CTNNA2: variants seen among roughly 807,000 people sequenced by gnomAD.
CTNNA2 encodes the protein catenin alpha 2.
Under a neutral mutation model 101.0 loss-of-function variants are expected in CTNNA2, and 42 were observed. The observed-to-expected ratio is 0.42, with a 90% CI of 0.32 to 0.54. The LOEUF (loss-of-function observed/expected upper bound fraction) is 0.54. Ranked by LOEUF, CTNNA2 falls within the 20% of genes least tolerant of loss-of-function variation. CTNNA2 has a pLI of 0.14. For synonymous variants in CTNNA2, 450 were observed against 456.4 expected (o/e 0.99, Z 0.18); for missense variants, 871 against 1,223.1 (o/e 0.71, Z 4.29).
intron 9 of CTNNA2, among the ~76,000 whole-genome samples, chr2:80,494,985 A>T (rs1687337910): frequency 6.6e-6 from 1 of 152,152 alleles, no homozygotes; most frequent in South Asian, 2.1e-4. Context: ...TTATCAAAGA[A>T]ATATTGTTCT....
At chr2:80,148,623 C>T (rs994062707) in intron 7 of CTNNA2, among the ~76,000 whole-genome samples, 4 of 152,176 alleles carry the variant, frequency 2.6e-5, no homozygotes, top group African/African-American at 7.2e-5. Flanking sequence ...TGATTCTGGA[C>T]GAGCATAGTT....
chr2:80,484,541 A>G (rs971760449), intron 9 of CTNNA2, among the ~76,000 whole-genome samples: 6 of 152,226 alleles, frequency 3.9e-5, no homozygotes, highest in African/African-American at 1.4e-4. Flanking sequence ...GTCCTAGTCT[A>G]TAGCACATGA....
At chr2:80,201,246 G>T (rs188383867) in intron 7 of CTNNA2, among the ~76,000 whole-genome samples, 1 of 151,660 alleles carries the variant, frequency 6.6e-6, no homozygotes, top group East Asian at 1.9e-4. Context: ...ATCCATGGGT[G>T]TATAACTCAC....
chr2:80,264,826 G>T (rs1203525132), intron 7 of CTNNA2, among the ~76,000 whole-genome samples: 1 of 152,090 alleles, frequency 6.6e-6, no homozygotes, highest in Non-Finnish European at 1.5e-5. Context: ...TTCTTATGTG[G>T]AGCTCAAGGT....
chr2:79,331,873 C>T (rs921415041), intron 3 of CTNNA2, among the ~76,000 whole-genome samples: 6 of 152,092 alleles, frequency 3.9e-5, no homozygotes, highest in African/African-American at 1.4e-4. Flanking sequence ...GAACAAAATA[C>T]GTAGGTGCTT....
rs140294625 is a variant in CTNNA2 at position 79,640,999 on chromosome 2, G to A, written c.-5-10553G>A. ...TGTCAGTATTTGGATATTGGAGGAT[G>A]AGAAGGAATGTGTCCCAGGTAGAAA... On this transcript the variant is annotated intron_variant, in intron 1 of 18. Coordinates refer to ENST00000402739, the MANE Select transcript of CTNNA2 (RefSeq NM_001282597.3). 3.9e-5 allele frequency among the ~76,000 whole-genome samples: 6 copies of A among 152,332 alleles called. No homozygotes were observed. The East Asian group carries it at 1.2e-3, about 29-fold the overall frequency.
chr2:79,796,023 T>C (rs1423532440), intron 3 of CTNNA2, among the ~76,000 whole-genome samples: 1 of 152,154 alleles, frequency 6.6e-6, no homozygotes, highest in Admixed American at 6.5e-5. Flanking sequence ...AATGGATATT[T>C]AGGGCTGCAA....
intron 2 of CTNNA2, among the ~76,000 whole-genome samples, chr2:79,265,388 T>TG (rs1674975300): frequency 6.6e-6 from 1 of 152,142 alleles, no homozygotes; most frequent in South Asian, 2.1e-4. Context: ...TCAGGGCTAT[T>TG]GGAGGGATGT....
rs17018657 is a variant in CTNNA2, at chr2:80,134,727, G to A, written c.1056+224930G>A. Reference sequence around the variant, plus strand: ...GCCTTTCCGGTTGTGCTTCAAAGCCGTTATTGTGTCACTTGCTCTGGGCTT... The same window carrying A: ...GCCTTTCCGGTTGTGCTTCAAAGCCATTATTGTGTCACTTGCTCTGGGCTT... On this transcript the variant is annotated intron_variant, in intron 7 of 18. Transcript: ENST00000402739. Among the ~76,000 whole-genome samples, 531 of 152,264 alleles carry A rather than the reference G, an allele frequency of 3.5e-3. 2 individuals are homozygous for A. The highest frequency in any genetic ancestry group is 0.011 in the African/African-American group (472 of 41,572).
Position 80,547,690 on chromosome 2 carries a change from C to CTTTTTTTTTTTTTTTT in CTNNA2, c.1540+1628_1540+1643dup, listed in dbSNP as rs61186189. 1.4e-4 allele frequency among the ~76,000 whole-genome samples: 17 copies of CTTTTTTTTTTTTTTTT among 124,314 alleles called. 2 individuals are homozygous for CTTTTTTTTTTTTTTTT. The highest frequency in any genetic ancestry group is 3.1e-4 in the African/African-American group (9 of 29,340). 81.6% of individuals were successfully genotyped at this position (124,314 alleles called of 152,430 possible). On this transcript the variant is annotated intron_variant, in intron 11 of 18. Coordinates refer to ENST00000402739, the MANE Select transcript of CTNNA2 (RefSeq NM_001282597.3). Reference sequence around the variant, plus strand: ...AGAACTCAATATATTGTCACTTCTGCTTTTTTTTTTTTTTTTGAGATGGAG... The same window carrying CTTTTTTTTTTTTTTTT: ...AGAACTCAATATATTGTCACTTCTGCTTTTTTTTTTTTTTTTTTTTTTTTTTTTTTTTGAGATGGAG...
chr2:80,605,699 T>C (rs773015920), intron 16 of CTNNA2: 1 of 151,980 alleles, frequency 6.6e-6, no homozygotes, highest in Non-Finnish European at 1.5e-5. Context: ...AAACCCCTCA[T>C]GATTTTACTA....
chr2:80,128,831 C>T (rs1558835005), intron 7 of CTNNA2, among the ~76,000 whole-genome samples: 1 of 152,088 alleles, frequency 6.6e-6, no homozygotes, highest in Non-Finnish European at 1.5e-5. Flanking sequence ...GAGTCGTCAC[C>T]AGGCCATTTT....
intron 17 of CTNNA2, among the ~76,000 whole-genome samples, chr2:80,615,603 G>C (rs1698789566): frequency 6.6e-6 from 1 of 151,562 alleles, no homozygotes; most frequent in South Asian, 2.1e-4. Context: ...GAATAGCAGA[G>C]TATCTGTTGA....
At chr2:80,469,602 G>A (rs1203749232) in intron 9 of CTNNA2, among the ~76,000 whole-genome samples, 1 of 152,208 alleles carries the variant, frequency 6.6e-6, no homozygotes, top group Admixed American at 6.5e-5. Flanking sequence ...CCACAAATAG[G>A]AAGTTGGCTT....
At chr2:80,105,983 A>G (rs1558814174) in intron 7 of CTNNA2, among the ~76,000 whole-genome samples, 2 of 152,260 alleles carry the variant, frequency 1.3e-5, no homozygotes, top group Admixed American at 6.5e-5. Context: ...TTGGCAGGTA[A>G]CAGTCCAATG....
chr2:79,989,512 G>A (rs1173995499), intron 7 of CTNNA2, among the ~76,000 whole-genome samples: 1 of 152,104 alleles, frequency 6.6e-6, no homozygotes, highest in African/African-American at 2.4e-5. Flanking sequence ...GCATGCACCT[G>A]TGTAGTCCCA....
chr2:79,357,836 T>G (rs1677541257), intron 3 of CTNNA2, among the ~76,000 whole-genome samples: 1 of 152,170 alleles, frequency 6.6e-6, no homozygotes, highest in Non-Finnish European at 1.5e-5. Context: ...AAATTGGAAT[T>G]CTATAATCCA....
chr2:79,619,166 A>C (rs999549828), intron 1 of CTNNA2, among the ~76,000 whole-genome samples: 2 of 152,244 alleles, frequency 1.3e-5, no homozygotes, highest in African/African-American at 4.8e-5. Context: ...AGATTGCACC[A>C]CTGCACTCCA....
chr2:79,839,671 T>G (rs1332848506), intron 3 of CTNNA2, among the ~76,000 whole-genome samples: 1 of 152,092 alleles, frequency 6.6e-6, no homozygotes, highest in Non-Finnish European at 1.5e-5. Flanking sequence ...CTAGTTTTTT[T>G]TCTTAGCTGG....
Sources: allele counts gnomAD v4.1 joint callset (sites outside exome capture counted in the v4.1 genomes callset), GRCh38; gene constraint gnomAD v4.1.1; transcripts MANE v1.5; gene names NCBI Gene and HGNC (gene_info 2026-07-23, HGNC 2026-07-21).